Variants in DFFB observed in about 807,000 individuals in gnomAD.
The protein encoded by DFFB is DNA fragmentation factor 40 kDa subunit.
DFFB carries 29 observed loss-of-function variants against 32.7 expected under a neutral mutation model. That is an observed-to-expected ratio of 0.89 (90% CI 0.66 to 1.21). The LOEUF (loss-of-function observed/expected upper bound fraction) is 1.21, where lower values mean the gene tolerates loss of function less well. DFFB is among the 50% of genes most tolerant of loss of function. The pLI is 0.00. For synonymous variants in DFFB, 170 were observed against 177.1 expected, an observed-to-expected ratio of 0.96 and a Z score of 0.32; for missense variants, 398 against 440.6, an observed-to-expected ratio of 0.90 and a Z score of 0.87.
chr1:3,857,756 G>A (rs577248428), intron 1 of DFFB, 39 bp downstream of exon 1: 1 of 1,361,834 alleles, frequency 7.3e-7, no homozygotes, highest in South Asian at 1.5e-5. Flanking sequence ...CGTCGGGGAG[G>A]CGTGTGGGGA....
At chr1:3,864,302 G>A (rs557852056) in intron 2 of DFFB, among the ~76,000 whole-genome samples, 2 of 152,080 alleles carry the variant, frequency 1.3e-5, no homozygotes, top group Non-Finnish European at 2.9e-5. Context: ...ATTATAAGGA[G>A]TGTGAATTAT....
intron 6 of DFFB, among the ~76,000 whole-genome samples, chr1:3,874,153 A>G (rs796133280): frequency 0.021 from 1,978 of 95,208 alleles, 12 homozygotes; most frequent in Middle Eastern, 0.1. Context: ...CACGCGTGTG[A>G]GTTTAACATG....
In DFFB at chr1:3,857,575, G is replaced by A. The variant is rs1292268593; in HGVS notation, c.-29G>A. 1 of 1,494,444 alleles carries A rather than the reference G, an allele frequency of 6.7e-7. No homozygotes were observed. Among genetic ancestry groups the A allele is most frequent in the African/African-American group, 1.4e-5 (1 of 70,544 alleles). 92.6% of individuals were successfully genotyped at this position (1,494,444 alleles called of 1,614,324 possible). ...CTGGGCAGCAGGTGCCACCGCCTGT[G>A]GGACCCAGAGGGCTTGAGGACATCT... On this transcript the variant is annotated 5_prime_UTR_variant, in exon 1 of 7. Transcript: ENST00000378209.
chr1:3,880,655 T>C (rs4074710), intron 6 of DFFB, among the ~76,000 whole-genome samples: 50,529 of 151,884 alleles, frequency 0.33, 8,599 homozygotes, highest in East Asian at 0.45. Flanking sequence ...GCCTCCTCTG[T>C]GCTCCAGTGT....
At chr1:3,873,836 A>C (rs1288864405) in intron 6 of DFFB, among the ~76,000 whole-genome samples, 1 of 152,122 alleles carries the variant, frequency 6.6e-6, no homozygotes, top group Non-Finnish European at 1.5e-5. Context: ...ATATTCCAAA[A>C]TCCTAAAAAA....
chr1:3,860,339 G>T, intron 2 of DFFB: 1 of 319,704 alleles, frequency 3.1e-6, no homozygotes. Flanking sequence ...TGATCCCGTT[G>T]CCTCAGCCTC....
intron 6 of DFFB, among the ~76,000 whole-genome samples, chr1:3,880,081 C>T (rs6666303): frequency 6.6e-6 from 1 of 151,978 alleles, no homozygotes; most frequent in African/African-American, 2.4e-5. Flanking sequence ...AGTTTAATGG[C>T]GTGATTTAGG....
In DFFB at chr1:3,883,925, G is replaced by GTTGTT. The variant is rs1250031947; in HGVS notation, c.*199_*203dup. 114 of 602,350 alleles carry GTTGTT rather than the reference G, an allele frequency of 1.9e-4. No individual in the cohort carries two copies. In the East Asian group the frequency reaches 2.5e-3, roughly 13 times the overall value. The allele number at this position is 602,350 out of a possible 1,614,324, so 37.3% of individuals were successfully genotyped here. A position where few individuals can be genotyped will look rare whatever the true frequency, so the allele number is the denominator to read the frequency against. On this transcript the variant is annotated 3_prime_UTR_variant, in exon 7 of 7. Transcript: ENST00000378209. ...TTTCTGAATTGTTGGGGTTTTTTTT[G>GTTGTT]TTGTTTTGTTTTGTTTTGTAGATGG...
chr1:3,876,713 T>C (rs950500323), intron 6 of DFFB, among the ~76,000 whole-genome samples: 11 of 152,384 alleles, frequency 7.2e-5, no homozygotes, highest in African/African-American at 2.6e-4. Context: ...AGTTCCGGGA[T>C]GTGCACAGCA....
chr1:3,862,422 A>G (rs1644895186), intron 2 of DFFB, among the ~76,000 whole-genome samples: 1 of 152,236 alleles, frequency 6.6e-6, no homozygotes, highest in Non-Finnish European at 1.5e-5. Flanking sequence ...ACGACTGTGA[A>G]AAAGAAGATA....
In DFFB at chr1:3,867,982, T is replaced by C; in HGVS notation, c.439T>C (p.Ser147Pro). 6.2e-7 allele frequency: 1 copy of C among 1,613,848 alleles called. No homozygotes were observed. Among genetic ancestry groups the C allele is most frequent in the South Asian group, 1.1e-5 (1 of 91,056 alleles). The change falls in exon 4 of 7, where the codon TCC becomes CCC. Residue 147 changes from serine to proline, a missense_variant. Ser to Pro is a moderately conservative substitution (Grantham distance 74). Transcript: ENST00000378209. The stretch of plus-strand genomic sequence containing the variant: ...TCTCGTTTTCCTTGCAGGCTTGGAG[T>C]CCCGATTTCAGAGCAAGTCTGGCTA... ...EDPPWFEGLESRFQSKSGYLR... is the reference protein window; with the variant it reads ...EDPPWFEGLEPRFQSKSGYLR...
At chr1:3,883,392 T>C in intron 6 of DFFB, 115 bp from the exon 7 acceptor site, 1 of 962,182 alleles carries the variant, frequency 1.0e-6, no homozygotes, top group South Asian at 1.6e-5. Flanking sequence ...CGGCCGTGTG[T>C]CCGTGATAGC....
intron 6 of DFFB, among the ~76,000 whole-genome samples, chr1:3,880,160 C>G (rs1360515150): frequency 1.3e-5 from 2 of 152,154 alleles, no homozygotes; most frequent in Non-Finnish European, 2.9e-5. Flanking sequence ...GGCCATCAGC[C>G]ATGTCTGTGT....
chr1:3,874,183 G>A (rs937398648), intron 6 of DFFB, among the ~76,000 whole-genome samples: 8 of 149,264 alleles, frequency 5.4e-5, no homozygotes, highest in African/African-American at 1.8e-4. Context: ...GGCCTCCCAC[G>A]CTGTGGTCTG....
chr1:3,877,906 T>C (rs113080768), intron 6 of DFFB, among the ~76,000 whole-genome samples: 6,126 of 152,244 alleles, frequency 0.04, 416 homozygotes, highest in African/African-American at 0.14. Context: ...TTTCCACCCC[T>C]TTCCTTTGGC....
At chr1:3,874,091 AC>A (rs1437617938) in intron 6 of DFFB, among the ~76,000 whole-genome samples, 2 of 152,166 alleles carry the variant, frequency 1.3e-5, no homozygotes, top group Non-Finnish European at 2.9e-5. Context: ...TCATGTACAT[AC>A]ATGGTGGCCC....
At chr1:3,867,871 C>A (rs1645015015) in intron 3 of DFFB, 103 bp from the exon 4 acceptor site, 2 of 963,490 alleles carry the variant, frequency 2.1e-6, no homozygotes, top group South Asian at 2.7e-5. Flanking sequence ...AGCAGTATGA[C>A]CCTCATATTC....
At chr1:3,871,318 C>G (rs113710477) in intron 5 of DFFB, among the ~76,000 whole-genome samples, 12,676 of 152,154 alleles carry the variant, frequency 0.083, 1,767 homozygotes, top group African/African-American at 0.29. Context: ...AGACGAGTCT[C>G]GCTCTGTCAC....
intron 6 of DFFB, among the ~76,000 whole-genome samples, chr1:3,880,266 G>T (rs1397045966): frequency 6.6e-6 from 1 of 152,236 alleles, no homozygotes; most frequent in Admixed American, 6.5e-5. Flanking sequence ...GGGAAGGTAG[G>T]GCTGGCCATG....
Sources: allele counts gnomAD v4.1 joint callset (sites outside exome capture counted in the v4.1 genomes callset), GRCh38; gene constraint gnomAD v4.1.1; transcripts MANE v1.5; gene names NCBI Gene and HGNC (gene_info 2026-07-23, HGNC 2026-07-21).